The following MRPS28 variants were observed in gnomAD, a reference collection of about 807,000 sequenced individuals.
MRPS28 encodes small ribosomal subunit protein bS1m.
In MRPS28, 7 loss-of-function variants were observed where a neutral mutation model predicts 10.8. That is an observed-to-expected ratio of 0.65 (90% CI 0.37 to 1.22). The LOEUF is 1.22. Ranked by LOEUF, MRPS28 falls within the 50% of genes most tolerant of loss-of-function variation. The pLI, the probability that MRPS28 is intolerant of heterozygous loss-of-function variation, is 0.02. For synonymous variants in MRPS28, 121 were observed against 93.3 expected (o/e 1.30, Z -1.71); for missense variants, 265 against 232.9 (o/e 1.14, Z -0.90).
intron 2 of MRPS28, among the ~76,000 whole-genome samples, chr8:79,988,021 C>A (rs997167153): frequency 9.9e-5 from 15 of 151,930 alleles, no homozygotes; most frequent in Non-Finnish European, 1.8e-4. Context: ...TGGAACCAAC[C>A]CAAATGTCCA....
intron 1 of MRPS28, among the ~76,000 whole-genome samples, chr8:80,004,604 T>C (rs1007319262): frequency 8.5e-5 from 13 of 152,166 alleles, no homozygotes; most frequent in African/African-American, 2.7e-4. Context: ...GGAATGCAGC[T>C]CCTTGCCAGC....
At chr8:80,010,856 A>G (rs1186811244) in intron 1 of MRPS28, among the ~76,000 whole-genome samples, 1 of 152,248 alleles carries the variant, frequency 6.6e-6, no homozygotes, top group Non-Finnish European at 1.5e-5. Flanking sequence ...TTAGCACAAA[A>G]GGGTCAATCT....
chr8:80,007,497 T>C (rs1808886250), intron 1 of MRPS28, among the ~76,000 whole-genome samples: 1 of 152,310 alleles, frequency 6.6e-6, no homozygotes, highest in South Asian at 2.1e-4. Flanking sequence ...TGTTTGCAGA[T>C]GACATGATTG....
intron 2 of MRPS28, among the ~76,000 whole-genome samples, chr8:79,935,439 T>C (rs961898030): frequency 6.6e-6 from 1 of 152,230 alleles, no homozygotes; most frequent in East Asian, 1.9e-4. Context: ...TCCTCTTCCC[T>C]TTTATTTGTT....
Position 79,918,725 on chromosome 8 carries a change from A to G in MRPS28, c.*255T>C, listed in dbSNP as rs1809991759. 1.1e-5 allele frequency: 2 copies of G among 182,330 alleles called. No homozygotes were observed. Among genetic ancestry groups the G allele is most frequent in the African/African-American group, 4.8e-5 (2 of 41,284 alleles). The allele number at this position is 182,330 out of a possible 1,614,324, so 11.3% of individuals were successfully genotyped here. A position where few individuals can be genotyped will look rare whatever the true frequency, so the allele number is the denominator to read the frequency against. ...AACTAGTACCATGCACATAGACAGC[A>G]CTCAAAACGTATTTATTGAATGACA... is the stretch of plus-strand genomic sequence containing the variant. On this transcript the variant is annotated 3_prime_UTR_variant, in exon 3 of 3. Coordinates refer to ENST00000276585, the MANE Select transcript of MRPS28 (RefSeq NM_014018.3).
chr8:80,003,350 T>G (rs1309998551), intron 1 of MRPS28, among the ~76,000 whole-genome samples, 170 bp from the exon 2 acceptor site: 2 of 152,230 alleles, frequency 1.3e-5, no homozygotes, highest in African/African-American at 2.4e-5. Context: ...CATCCTTTCC[T>G]TCCTGAAGAG....
intron 1 of MRPS28, among the ~76,000 whole-genome samples, chr8:80,023,860 T>C (rs1003111259): frequency 6.6e-6 from 1 of 152,130 alleles, no homozygotes; most frequent in Non-Finnish European, 1.5e-5. Context: ...CAAATTTATA[T>C]TGTCTAAGTG....
intron 2 of MRPS28, among the ~76,000 whole-genome samples, chr8:79,974,574 C>CA (rs531560573): frequency 0.011 from 1,630 of 144,534 alleles, 13 homozygotes; most frequent in Non-Finnish European, 0.016. Context: ...AATAAAAAAA[C>CA]AAAAAAAAAA....
chr8:79,924,886 ATAAGCAGG>A (rs1810192316), intron 2 of MRPS28, among the ~76,000 whole-genome samples: 1 of 152,188 alleles, frequency 6.6e-6, no homozygotes, highest in Non-Finnish European at 1.5e-5. Flanking sequence ...CTAGATGATC[ATAAGCAGG>A]TAACATTACA....
chr8:79,993,807 T>C (rs1397534745), intron 2 of MRPS28, among the ~76,000 whole-genome samples: 4 of 152,186 alleles, frequency 2.6e-5, no homozygotes, highest in Non-Finnish European at 5.9e-5. Flanking sequence ...TCCCCACCAA[T>C]ACACCTTGAA....
chr8:79,946,614 AT>A (rs2129952352), intron 2 of MRPS28, among the ~76,000 whole-genome samples: 1 of 152,252 alleles, frequency 6.6e-6, no homozygotes, highest in African/African-American at 2.4e-5. Flanking sequence ...ATAAACCATT[AT>A]ATTTACAATG....
chr8:79,930,022 T>C (rs942065089), intron 2 of MRPS28, among the ~76,000 whole-genome samples: 2 of 152,180 alleles, frequency 1.3e-5, no homozygotes, highest in African/African-American at 4.8e-5. Flanking sequence ...CTATCATCAT[T>C]TAACTCTGGT....
intron 2 of MRPS28, among the ~76,000 whole-genome samples, chr8:79,943,065 T>TA (rs1204151545): frequency 1.3e-5 from 2 of 152,212 alleles, no homozygotes; most frequent in Non-Finnish European, 2.9e-5. Context: ...TTTTCATACT[T>TA]CTGTTAAGTT....
intron 2 of MRPS28, among the ~76,000 whole-genome samples, chr8:79,931,955 T>C (rs568489460): frequency 8.5e-5 from 13 of 152,314 alleles, no homozygotes; most frequent in Admixed American, 2.6e-4. Context: ...TAGAGGGCCT[T>C]TCTGTTGACA....
intron 2 of MRPS28, among the ~76,000 whole-genome samples, chr8:79,930,491 T>C (rs1442315545): frequency 1.3e-5 from 2 of 152,240 alleles, no homozygotes; most frequent in African/African-American, 4.8e-5. Context: ...CATCTGCAAC[T>C]TGTTTTGCAA....
In MRPS28 at chr8:79,976,215, C is replaced by G. The variant is rs112280826; in HGVS notation, c.395+26784G>C. Among the ~76,000 whole-genome samples the G allele has an allele frequency of 3.6e-3, 543 of 152,148 alleles. 6 individuals are homozygous for G. Among genetic ancestry groups the G allele is most frequent in the African/African-American group, 0.012 (494 of 41,516 alleles). ...TCTCCTGTCTCAGCCTCCCAAGTAG[C>G]TGGGATTACAGGCATGTGCCACCAA... is the stretch of plus-strand genomic sequence containing the variant. On this transcript the variant is annotated intron_variant, in intron 2 of 2. Transcript: ENST00000276585.
intron 2 of MRPS28, among the ~76,000 whole-genome samples, chr8:79,938,968 G>C (rs1033744762): frequency 6.6e-6 from 1 of 152,192 alleles, no homozygotes; most frequent in Admixed American, 6.5e-5. Context: ...GATGTGCTGA[G>C]CTGGCTATGG....
intron 1 of MRPS28, chr8:80,029,780 C>A: frequency 1.3e-6 from 2 of 1,508,370 alleles, no homozygotes; most frequent in South Asian, 2.4e-5. Context: ...AGCATTCAAT[C>A]CCAGGAAAAC....
chr8:79,942,284 A>G (rs1252962741), intron 2 of MRPS28, among the ~76,000 whole-genome samples: 1 of 152,236 alleles, frequency 6.6e-6, no homozygotes, highest in East Asian at 1.9e-4. Context: ...GGAGTGATAC[A>G]CTTGGAAGCA....
Sources: allele counts gnomAD v4.1 joint callset (sites outside exome capture counted in the v4.1 genomes callset), GRCh38; gene constraint gnomAD v4.1.1; transcripts MANE v1.5; gene names NCBI Gene and HGNC (gene_info 2026-07-23, HGNC 2026-07-21).